Variants in GGNBP2 observed in about 807,000 individuals in gnomAD.
GGNBP2 encodes gametogenetin binding protein 2, also known as gametogenetin-binding protein 2.
In GGNBP2, 10 loss-of-function variants were observed where a neutral mutation model predicts 85.9. That is an observed-to-expected ratio of 0.12 (90% CI 0.07 to 0.20). GGNBP2 has a LOEUF of 0.20. Ranked by LOEUF, GGNBP2 falls within the 10% of genes least tolerant of loss-of-function variation. The pLI is 1.00. For missense variants in GGNBP2, 595 were observed against 857.8 expected (o/e 0.69, Z 3.83); for synonymous variants, 287 against 285.7 (o/e 1.00, Z -0.05).
At chr17:36,556,192 C>T (rs1219533424) in intron 3 of GGNBP2, among the ~76,000 whole-genome samples, 1 of 152,242 alleles carries the variant, frequency 6.6e-6, no homozygotes, top group East Asian at 1.9e-4. Flanking sequence ...ATTTTTCTAC[C>T]TTGTCATAAC....
intron 4 of GGNBP2, among the ~76,000 whole-genome samples, chr17:36,558,734 G>A (rs529611184): frequency 7.3e-5 from 11 of 151,496 alleles, no homozygotes; most frequent in Admixed American, 2.6e-4. Context: ...CGGATTACAG[G>A]CGTGAGCCAC....
chr17:36,579,498 G>T, intron 8 of GGNBP2, 79 bp downstream of exon 8: 3 of 1,228,910 alleles, frequency 2.4e-6, no homozygotes, highest in Non-Finnish European at 3.5e-6. Flanking sequence ...AGCCACCAGT[G>T]CCTAAAAGGA....
chr17:36,560,158 A>C (rs1002625314), intron 4 of GGNBP2, among the ~76,000 whole-genome samples: 1 of 151,970 alleles, frequency 6.6e-6, no homozygotes, highest in African/African-American at 2.4e-5. Flanking sequence ...AAATTTTGCT[A>C]TGTTACCCAG....
chr17:36,579,502 A>G, intron 8 of GGNBP2, 83 bp downstream of exon 8: 5 of 1,178,106 alleles, frequency 4.2e-6, no homozygotes, highest in South Asian at 4.0e-5. Flanking sequence ...ACCAGTGCCT[A>G]AAAGGACTGT....
chr17:36,587,172 A>C lies in GGNBP2; in HGVS notation c.1817A>C (p.Gln606Pro). 1 of 1,614,166 alleles carries C rather than the reference A, an allele frequency of 6.2e-7. No homozygotes were observed. The highest frequency in any genetic ancestry group is 1.3e-5 in the African/African-American group (1 of 75,038). ...TTTGAGCATAGGAAAAATGTACCACAGTTTGCAGAACCTACAGAAACGTTG... is the reference window on the plus strand; with the variant it reads ...TTTGAGCATAGGAAAAATGTACCACCGTTTGCAGAACCTACAGAAACGTTG... ...PWFEHRKNVP[Q>P]FAEPTETLFG... The change falls in exon 13 of 14, where the codon CAG (glutamine) becomes CCG (proline). Residue 606 changes from glutamine to proline, a missense_variant. Around this residue, in one of 9 missense-constraint regions of GGNBP2, gnomAD observed 120 missense variants for 126.3 expected, o/e 0.95. Coordinates refer to ENST00000613102, the MANE Select transcript of GGNBP2 (RefSeq NM_024835.5).
chr17:36,547,605 T>C (rs1476203018), intron 2 of GGNBP2: 4 of 152,252 alleles, frequency 2.6e-5, no homozygotes, highest in Admixed American at 2.6e-4. Flanking sequence ...GATGTGACTT[T>C]CCAAAATTTT....
At chr17:36,568,818 C>T (rs1176068329) in intron 6 of GGNBP2, among the ~76,000 whole-genome samples, 2 of 151,256 alleles carry the variant, frequency 1.3e-5, no homozygotes, top group South Asian at 2.1e-4. Context: ...TGCGCTGGCT[C>T]GATCTCGGCT....
At chr17:36,560,397 T>G (rs1004515056) in intron 4 of GGNBP2, among the ~76,000 whole-genome samples, 7 of 152,240 alleles carry the variant, frequency 4.6e-5, no homozygotes, top group Non-Finnish European at 1.0e-4. Context: ...GTATTGTGTT[T>G]ACATAATGTT....
rs10544073 is a variant in GGNBP2 at position 36,556,751 on chromosome 17, C to CTTT, written c.175-305_175-303dup. On this transcript the variant is annotated intron_variant, in intron 3 of 13. Coordinates refer to ENST00000613102, the MANE Select transcript of GGNBP2 (RefSeq NM_024835.5). ...AAAAAAAAGGTACAGCTGTATTGTGCTTTTTTTTTTTTTTTTTTTTTTTTT... is the reference window on the plus strand; with the variant it reads ...AAAAAAAAGGTACAGCTGTATTGTGCTTTTTTTTTTTTTTTTTTTTTTTTTTTT... Among the ~76,000 whole-genome samples the CTTT allele has an allele frequency of 1.5e-3, 77 of 52,856 alleles. 6 individuals carry two copies. The highest frequency in any genetic ancestry group is 0.01 in the South Asian group (11 of 1,088). The allele number at this position is 52,856 out of a possible 152,430, so 34.7% of individuals were successfully genotyped here.
intron 2 of GGNBP2, among the ~76,000 whole-genome samples, 155 bp from the exon 3 acceptor site, chr17:36,554,665 C>T (rs1481670721): frequency 1.3e-5 from 2 of 152,012 alleles, no homozygotes; most frequent in Admixed American, 6.6e-5. Flanking sequence ...TGTGAGCCAC[C>T]GCACCAGGCC....
At chr17:36,586,364 G>T in intron 12 of GGNBP2, 166 bp downstream of exon 12, 2 of 735,066 alleles carry the variant, frequency 2.7e-6, no homozygotes, top group Non-Finnish European at 4.3e-6. Context: ...GTGGGTTGGG[G>T]GCAGAGAGAG....
chr17:36,550,507 TGATA>T (rs1456278175), intron 2 of GGNBP2, among the ~76,000 whole-genome samples: 2 of 152,194 alleles, frequency 1.3e-5, no homozygotes, highest in Non-Finnish European at 2.9e-5. Context: ...TTACTGAGGG[TGATA>T]GATGTTACAA....
chr17:36,581,501 T>C lies in GGNBP2; in HGVS notation c.1178T>C (p.Leu393Ser). 1.2e-6 allele frequency: 2 copies of C among 1,609,960 alleles called. No individual in the cohort carries two copies. Among genetic ancestry groups the C allele is most frequent in the Non-Finnish European group, 1.7e-6 (2 of 1,178,766 alleles). ...TGTGTGTGTGATATTCCTACTCCCT[T>C]ACAAACAGCAGATGAAAAGGAAGTA... is the stretch of plus-strand genomic sequence containing the variant. ...NKCVCDIPTP[L>S]QTADEKEVSQ... Residue 393 changes from leucine (L) to serine (S), a missense_variant, in exon 9 of 14, where the codon TTA (leucine) becomes TCA (serine). Physicochemically the swap from Leu to Ser is moderately radical, Grantham distance 145 (BLOSUM62 -2). Coordinates refer to ENST00000613102, the MANE Select transcript of GGNBP2 (RefSeq NM_024835.5).
chr17:36,546,498 C>T (rs2074256791), intron 2 of GGNBP2: 1 of 151,740 alleles, frequency 6.6e-6, no homozygotes, highest in African/African-American at 2.4e-5. Context: ...CTATAAAAAG[C>T]TGATTGCTCA....
chr17:36,575,710 G>A (rs1403555018), intron 6 of GGNBP2, among the ~76,000 whole-genome samples: 20 of 139,414 alleles, frequency 1.4e-4, no homozygotes, highest in African/African-American at 4.9e-4. Flanking sequence ...GCAGTGGTGC[G>A]ATCTTGGCTC....
rs1247915817 is a variant in GGNBP2 at position 36,575,640 on chromosome 17, A to AT, written c.642-2342dup. On this transcript the variant is annotated intron_variant, in intron 6 of 13. Coordinates refer to ENST00000613102, the MANE Select transcript of GGNBP2 (RefSeq NM_024835.5). ...TATATATATATATATATATATATAT[A>AT]TATATATATTTTTTTTTTTTTTTGA... is the stretch of plus-strand genomic sequence containing the variant. 4.9e-3 allele frequency among the ~76,000 whole-genome samples: 247 copies of AT among 50,008 alleles called. 2 individuals are homozygous for AT. Among genetic ancestry groups the AT allele is most frequent in the African/African-American group, 0.021 (236 of 11,100 alleles). 32.8% of individuals were successfully genotyped at this position (50,008 alleles called of 152,430 possible). A position where few individuals can be genotyped will look rare whatever the true frequency, so the allele number is the denominator to read the frequency against.
intron 6 of GGNBP2, among the ~76,000 whole-genome samples, chr17:36,571,886 AAAC>A (rs913432998): frequency 1.6e-4 from 25 of 151,786 alleles, no homozygotes; most frequent in African/African-American, 5.3e-4. Context: ...ATAAATATAA[AAAC>A]AAAATAAAAA....
chr17:36,565,201 A>G, intron 5 of GGNBP2, among the ~76,000 whole-genome samples: 1 of 152,346 alleles, frequency 6.6e-6, no homozygotes, highest in Non-Finnish European at 1.5e-5. Context: ...TAACAATGAG[A>G]TAATTGGTGA....
At chr17:36,547,122 G>C (rs2074262884) in intron 2 of GGNBP2, 1 of 152,174 alleles carries the variant, frequency 6.6e-6, no homozygotes, top group Non-Finnish European at 1.5e-5. Flanking sequence ...GAAATTGTGT[G>C]TCTTGATTAT....
Sources: allele counts gnomAD v4.1 joint callset (sites outside exome capture counted in the v4.1 genomes callset), GRCh38; gene constraint gnomAD v4.1.1; regional missense constraint gnomAD v4.1.1; transcripts MANE v1.5; gene names NCBI Gene and HGNC (gene_info 2026-07-23, HGNC 2026-07-21).